MICAL3: variants seen among roughly 807,000 people sequenced by gnomAD.
The protein encoded by MICAL3 is [F-actin]-monooxygenase MICAL3.
MICAL3 carries 62 observed loss-of-function variants against 207.4 expected under a neutral mutation model. The ratio of observed to expected loss-of-function variants is 0.30; its 90% CI spans 0.24 to 0.37. The LOEUF (loss-of-function observed/expected upper bound fraction) is 0.37, where lower values mean the gene tolerates loss of function less well. Among genes scored for constraint, MICAL3 ranks in the 10% least tolerant of loss-of-function variants. The probability of loss-of-function intolerance (pLI) is 1.00; values close to 1 mark genes in which losing one functional copy is unlikely to be tolerated. For missense variants in MICAL3, 2,368 were observed against 2,635.6 expected, an observed-to-expected ratio of 0.90 and a Z score of 2.22; for synonymous variants, 1,077 against 1,069.3, an observed-to-expected ratio of 1.01 and a Z score of -0.14.
At chr22:17,927,621 G>A (rs1250525186) in intron 1 of MICAL3, among the ~76,000 whole-genome samples, 2 of 151,978 alleles carry the variant, frequency 1.3e-5, no homozygotes, top group Non-Finnish European at 2.9e-5. Flanking sequence ...GCTGCTCCAG[G>A]AACACCCATG....
intron 1 of MICAL3, among the ~76,000 whole-genome samples, chr22:17,945,832 T>C (rs2146346658): frequency 6.6e-6 from 1 of 151,702 alleles, no homozygotes; most frequent in Non-Finnish European, 1.5e-5. Context: ...GCAGGAAGAC[T>C]GAGACAAAAG....
At chr22:17,861,090 C>G in intron 19 of MICAL3, 2 of 985,408 alleles carry the variant, frequency 2.0e-6, no homozygotes, top group Non-Finnish European at 2.4e-6. Context: ...AATTCTCTTG[C>G]TCCACTAAAA....
intron 16 of MICAL3, 98 bp downstream of exon 16, chr22:17,885,780 G>A (rs1929815501): frequency 7.8e-7 from 1 of 1,276,934 alleles, no homozygotes; most frequent in Non-Finnish European, 1.1e-6. Flanking sequence ...CACGAACGCT[G>A]GGGTCTGTGA....
intron 27 of MICAL3, among the ~76,000 whole-genome samples, chr22:17,812,116 C>T (rs1601949102): frequency 6.6e-6 from 1 of 152,312 alleles, no homozygotes; most frequent in Middle Eastern, 3.4e-3. Context: ...ATAATCTTCA[C>T]TCGAAGAGCT....
At chr22:17,812,778 G>A (rs1311332912) in intron 27 of MICAL3, 2 of 153,244 alleles carry the variant, frequency 1.3e-5, no homozygotes, top group Admixed American at 1.3e-4. Context: ...AGTGGACCTG[G>A]TTTTGAATAC....
At chr22:17,923,205 G>A (rs1368390093) in intron 1 of MICAL3, among the ~76,000 whole-genome samples, 4 of 152,184 alleles carry the variant, frequency 2.6e-5, no homozygotes, top group African/African-American at 9.7e-5. Flanking sequence ...GCAGGGTCTT[G>A]AAAGTCCACA....
intron 17 of MICAL3, among the ~76,000 whole-genome samples, chr22:17,870,940 C>T (rs568160933): frequency 2.1e-4 from 32 of 152,312 alleles, no homozygotes; most frequent in Non-Finnish European, 3.4e-4. Context: ...TAGGTCCTAA[C>T]GGCATGGCAT....
At chr22:17,943,470 C>T (rs1933905794) in intron 1 of MICAL3, among the ~76,000 whole-genome samples, 1 of 152,224 alleles carries the variant, frequency 6.6e-6, no homozygotes, top group Non-Finnish European at 1.5e-5. Flanking sequence ...TGAGCTGCAT[C>T]TATCCTTCTC....
intron 1 of MICAL3, among the ~76,000 whole-genome samples, chr22:17,959,911 T>C (rs1217729622): frequency 2.6e-5 from 4 of 152,122 alleles, no homozygotes; most frequent in South Asian, 2.1e-4. Context: ...CTGAACTCAT[T>C]TGACATGGAC....
chr22:17,892,716 C>CTTCT (rs1930488628), intron 11 of MICAL3, among the ~76,000 whole-genome samples: 1 of 152,190 alleles, frequency 6.6e-6, no homozygotes, highest in Non-Finnish European at 1.5e-5. Context: ...AAAGAGAAGA[C>CTTCT]GCTCCAGTGG....
chr22:17,885,290 C>T (rs975234512), intron 16 of MICAL3, among the ~76,000 whole-genome samples: 5 of 152,132 alleles, frequency 3.3e-5, no homozygotes, highest in South Asian at 2.1e-4. Flanking sequence ...AGAAACAACT[C>T]GAACATCCAA....
intron 16 of MICAL3, chr22:17,877,013 GGTTAT>G (rs1928610409): frequency 8.2e-6 from 1 of 121,548 alleles, no homozygotes; most frequent in Non-Finnish European, 1.7e-5. Flanking sequence ...AGGTTATGGA[GGTTAT>G]GGAGGTTATG....
chr22:17,876,095 C>G (rs1353883232), intron 16 of MICAL3, among the ~76,000 whole-genome samples: 1 of 152,156 alleles, frequency 6.6e-6, no homozygotes, highest in Non-Finnish European at 1.5e-5. Flanking sequence ...CAGAGAGGCT[C>G]TGCTTGCCAA....
At chr22:17,890,131 T>C (rs913564375) in intron 12 of MICAL3, among the ~76,000 whole-genome samples, 1 of 152,204 alleles carries the variant, frequency 6.6e-6, no homozygotes, top group Admixed American at 6.5e-5. Context: ...AGAAGACTGA[T>C]CGCATTCTTC....
intron 7 of MICAL3, 26 bp downstream of exon 7, chr22:17,899,422 A>G (rs1184995520): frequency 2.8e-6 from 4 of 1,424,670 alleles, no homozygotes; most frequent in Non-Finnish European, 3.9e-6. Flanking sequence ...AATAAGAAAG[A>G]GTTTTGAAGG....
At chr22:18,008,489 C>A (rs1243545327) in intron 1 of MICAL3, among the ~76,000 whole-genome samples, 1 of 152,184 alleles carries the variant, frequency 6.6e-6, no homozygotes, top group African/African-American at 2.4e-5. Context: ...TGGTTTAGAA[C>A]AAATTGATTC....
At chr22:17,916,077 A>AC (rs929208137) in intron 1 of MICAL3, among the ~76,000 whole-genome samples, 8 of 148,830 alleles carry the variant, frequency 5.4e-5, no homozygotes, top group African/African-American at 1.8e-4. Flanking sequence ...AAAAAAAAAA[A>AC]AAACCCAAAA....
intron 27 of MICAL3, chr22:17,814,651 C>G (rs2062082980): frequency 6.6e-6 from 1 of 152,220 alleles, no homozygotes; most frequent in Non-Finnish European, 1.5e-5. Flanking sequence ...ATGCGGAAGT[C>G]AGGTCAGCTG....
At chr22:17,816,613 C>T (rs1921022664) in intron 27 of MICAL3, 77 bp downstream of exon 27, 1 of 1,213,538 alleles carries the variant, frequency 8.2e-7, no homozygotes, top group Non-Finnish European at 1.2e-6. Flanking sequence ...TGCTCTCCCT[C>T]TCCTCTACCC....
Sources: allele counts gnomAD v4.1 joint callset (sites outside exome capture counted in the v4.1 genomes callset), GRCh38; gene constraint gnomAD v4.1.1; transcripts MANE v1.5; gene names NCBI Gene and HGNC (gene_info 2026-07-23, HGNC 2026-07-21).